NAV1: variants seen among roughly 807,000 people sequenced by gnomAD.
NAV1 encodes pore membrane and/or filament interacting like protein 3.
In NAV1, 18 loss-of-function variants were observed where a neutral mutation model predicts 175.2. The ratio of observed to expected loss-of-function variants is 0.10; its 90% CI spans 0.07 to 0.15. The LOEUF (loss-of-function observed/expected upper bound fraction) is 0.15, where lower values mean the gene tolerates loss of function less well. NAV1 is among the 10% of genes least tolerant of loss of function. The pLI is 1.00. For missense variants in NAV1, 1,731 were observed against 2,436.6 expected (o/e 0.71, Z 6.10); for synonymous variants, 897 against 978.7 (o/e 0.92, Z 1.56).
chr1:201,818,892 T>C (rs890568921), intron 29 of NAV1, among the ~76,000 whole-genome samples: 26 of 152,368 alleles, frequency 1.7e-4, no homozygotes, highest in African/African-American at 5.8e-4. Flanking sequence ...TGTATAAAAA[T>C]GCTTTTAAAT....
At chr1:201,737,627 G>C (rs566724680) in intron 3 of NAV1, 4 of 152,210 alleles carry the variant, frequency 2.6e-5, no homozygotes, top group Non-Finnish European at 5.9e-5. Context: ...GGGGGGCTGC[G>C]AGGGAATGTT....
At chr1:201,675,210 A>G (rs936829672) in intron 1 of NAV1, among the ~76,000 whole-genome samples, 1 of 152,086 alleles carries the variant, frequency 6.6e-6, no homozygotes, top group Admixed American at 6.5e-5. Flanking sequence ...GTCCACCACC[A>G]TGTCACACCA....
intron 8 of NAV1, 30 bp from the exon 13 acceptor site, chr1:201,786,399 C>T (rs2102729113): frequency 6.2e-7 from 1 of 1,600,834 alleles, no homozygotes; most frequent in African/African-American, 1.3e-5. Context: ...TTGCTAGTCC[C>T]AGACTGAGTT....
In NAV1 at chr1:201,675,820, T is replaced by C. The variant is rs191424096; in HGVS notation, c.757+26395T>C. 3.9e-5 allele frequency among the ~76,000 whole-genome samples: 6 copies of C among 152,308 alleles called. No individual in the cohort carries two copies. The East Asian group carries it at 1.2e-3, about 29-fold the overall frequency. On this transcript the variant is annotated intron_variant, in intron 1 of 29. Coordinates refer to ENST00000367296, the Ensembl canonical transcript of NAV1. ...CGAAGTTTGCCTATCTGGAACCATT[T>C]TCTGAAGCTGGATGGCAGACGGGGA... is the stretch of plus-strand genomic sequence containing the variant.
chr1:201,681,214 C>G lies in NAV1; in HGVS notation c.758-31603C>G, dbSNP rs7366297. Among the ~76,000 whole-genome samples, 1,645 of 152,194 alleles carry G rather than the reference C, an allele frequency of 0.011. 76 individuals are homozygous for G. In the East Asian group the frequency reaches 0.14, roughly 13 times the overall value. On this transcript the variant is annotated intron_variant, in intron 1 of 29. Coordinates refer to ENST00000367296, the Ensembl canonical transcript of NAV1. Reference sequence around the variant, plus strand: ...GGCCTCCACAATTGCACTTTCTCACCTTTCTAGCTTCTCCTTTCTCTTCCC... The same window carrying G: ...GGCCTCCACAATTGCACTTTCTCACGTTTCTAGCTTCTCCTTTCTCTTCCC...
In NAV1 at chr1:201,783,414, C is replaced by T. The variant is rs567744900; in HGVS notation, c.2366C>T (p.Ala789Val). The T allele has an allele frequency of 4.5e-5, 72 of 1,613,600 alleles. No individual in the cohort carries two copies. The highest frequency in any genetic ancestry group is 3.3e-4 in the Middle Eastern group (2 of 6,062). Residue 789 changes from alanine (A) to valine (V), a missense_variant, in exon 7 of 30, where the codon GCG becomes GTG. Physicochemically the swap from Ala to Val is moderately conservative, Grantham distance 64. This residue lies in a region of NAV1 where 634 missense variants were observed against 766.8 expected (regional missense o/e 0.83). Coordinates refer to ENST00000367296, the Ensembl canonical transcript of NAV1. Reference sequence around the variant, plus strand: ...GTTTGATCTTCTCTCAGGGCCACAGCGAAGAGCTTTGTCAAACCACCCTCA... The same window carrying T: ...GTTTGATCTTCTCTCAGGGCCACAGTGAAGAGCTTTGTCAAACCACCCTCA...
intron 2 of NAV1, among the ~76,000 whole-genome samples, chr1:201,630,997 G>A (rs897437957): frequency 2.6e-5 from 4 of 152,146 alleles, no homozygotes; most frequent in Non-Finnish European, 5.9e-5. Context: ...GAATCCCCCA[G>A]GCTTGTCAGC....
At chr1:201,605,129 C>CTT (rs572596717) in intron 2 of NAV1, among the ~76,000 whole-genome samples, 14 of 139,820 alleles carry the variant, frequency 1.0e-4, no homozygotes, top group South Asian at 2.3e-4. Flanking sequence ...CTGGCTTCTG[C>CTT]TTTTTTTTTT....
At chr1:201,570,658 C>CT (rs1413917044) in intron 1 of NAV1, among the ~76,000 whole-genome samples, 1 of 152,248 alleles carries the variant, frequency 6.6e-6, no homozygotes, top group Non-Finnish European at 1.5e-5. Context: ...TGGCTGAGGG[C>CT]TACGACCAGG....
At chr1:201,814,267 G>A (rs562498214) in intron 28 of NAV1, among the ~76,000 whole-genome samples, 1 of 152,064 alleles carries the variant, frequency 6.6e-6, no homozygotes, top group East Asian at 1.9e-4. Flanking sequence ...CTACTCTGGA[G>A]GGTGAGGCCA....
chr1:201,621,231 C>T (rs1668159140), upstream of NAV1, among the ~76,000 whole-genome samples: 1 of 150,966 alleles, frequency 6.6e-6, no homozygotes, highest in African/African-American at 2.4e-5. Context: ...GCCCTTTATT[C>T]TATGGGATGT....
chr1:201,619,430 G>C (rs183391484), upstream of NAV1, among the ~76,000 whole-genome samples: 1 of 152,364 alleles, frequency 6.6e-6, no homozygotes, highest in African/African-American at 2.4e-5. Flanking sequence ...TGAAGGTAGA[G>C]TCAAGATTTA....
At chr1:201,676,827 G>C (rs758960514) in intron 1 of NAV1, among the ~76,000 whole-genome samples, 3 of 152,160 alleles carry the variant, frequency 2.0e-5, no homozygotes, top group Admixed American at 1.3e-4. Flanking sequence ...GAATCTGTGT[G>C]TAATAGATCT....
chr1:201,803,795 C>A, intron 16 of NAV1, 81 bp downstream of exon 20: 3 of 1,522,962 alleles, frequency 2.0e-6, no homozygotes, highest in South Asian at 1.2e-5. Context: ...CGAATCCTTC[C>A]AGGATTAACC....
At chr1:201,681,141 T>G (rs1372632917) in intron 1 of NAV1, among the ~76,000 whole-genome samples, 1 of 152,092 alleles carries the variant, frequency 6.6e-6, no homozygotes, top group Non-Finnish European at 1.5e-5. Context: ...ACAGAGGCCT[T>G]CAGTGGCTTC....
chr1:201,568,031 C>T (rs193198117), intron 1 of NAV1, among the ~76,000 whole-genome samples: 28 of 152,296 alleles, frequency 1.8e-4, no homozygotes, highest in African/African-American at 6.3e-4. Flanking sequence ...AGTACATAAA[C>T]CACCTGTGAG....
intron 1 of NAV1, among the ~76,000 whole-genome samples, chr1:201,703,719 G>A (rs1671543668): frequency 6.6e-6 from 1 of 152,216 alleles, no homozygotes; most frequent in Admixed American, 6.5e-5. Context: ...GCTGAGCAGG[G>A]CTGAGCTGTC....
chr1:201,819,742 C>T, intron 29 of NAV1, 95 bp from the exon 34 acceptor site: 1 of 1,132,854 alleles, frequency 8.8e-7, no homozygotes, highest in Non-Finnish European at 1.3e-6. Context: ...ACCTTGGCCT[C>T]CCAAAGTGTT....
At chr1:201,715,163 CTCT>C (rs1356846659) in intron 2 of NAV1, among the ~76,000 whole-genome samples, 21 of 135,964 alleles carry the variant, frequency 1.5e-4, no homozygotes, top group African/African-American at 4.9e-4. Context: ...CTTTTTATGG[CTCT>C]TTTTTTTTTT....
Sources: gnomAD v4.1 joint callset for allele counts (sites outside exome capture counted in the v4.1 genomes callset) on GRCh38, gnomAD v4.1.1 for gene constraint, gnomAD v4.1.1 regional missense constraint, MANE v1.5 for transcripts, NCBI Gene and HGNC (gene_info 2026-07-23, HGNC 2026-07-21) for gene names.